The following DAB1 variants were observed in gnomAD, a reference collection of about 807,000 sequenced individuals.
DAB1 encodes the protein disabled homolog 1.
A neutral mutation model predicts 64.6 loss-of-function variants in DAB1; 15 were observed. The ratio of observed to expected loss-of-function variants is 0.23; its 90% CI spans 0.16 to 0.36. The LOEUF (loss-of-function observed/expected upper bound fraction) is 0.36, where lower values mean the gene tolerates loss of function less well. DAB1 is among the 10% of genes least tolerant of loss of function. The pLI, the probability that DAB1 is intolerant of heterozygous loss-of-function variation, is 1.00. For missense variants in DAB1, 596 were observed against 706.7 expected, an observed-to-expected ratio of 0.84 and a Z score of 1.78; for synonymous variants, 235 against 251.9, an observed-to-expected ratio of 0.93 and a Z score of 0.64.
At chr1:58,428,711 C>T (rs1029084656) in intron 3 of DAB1, among the ~76,000 whole-genome samples, 1 of 152,104 alleles carries the variant, frequency 6.6e-6, no homozygotes, top group African/African-American at 2.4e-5. Flanking sequence ...CTTCTAAATA[C>T]TCTATTGGAA....
intron 1 of DAB1, among the ~76,000 whole-genome samples, chr1:57,421,250 T>C (rs1013831782): frequency 6.6e-6 from 1 of 152,176 alleles, no homozygotes; most frequent in Admixed American, 6.5e-5. Flanking sequence ...CCTCACACAA[T>C]GGTGTGTCTT....
At chr1:58,147,964 A>C (rs1218955774) in intron 5 of DAB1, among the ~76,000 whole-genome samples, 1 of 148,380 alleles carries the variant, frequency 6.7e-6, no homozygotes, top group East Asian at 2.0e-4. Context: ...ATATTTTACC[A>C]AGACATACTA....
At chr1:58,086,304 A>G (rs1650310716) in intron 5 of DAB1, among the ~76,000 whole-genome samples, 1 of 152,146 alleles carries the variant, frequency 6.6e-6, no homozygotes, top group Non-Finnish European at 1.5e-5. Flanking sequence ...TCAAATTCCC[A>G]GCTCAACACC....
chr1:57,133,270 C>T (rs992839774), intron 4 of DAB1, among the ~76,000 whole-genome samples: 4 of 152,124 alleles, frequency 2.6e-5, no homozygotes, highest in Non-Finnish European at 5.9e-5. Flanking sequence ...CAGTATATAT[C>T]ATTTTTTATG....
intron 1 of DAB1, among the ~76,000 whole-genome samples, chr1:57,337,195 G>C (rs1285113810): frequency 6.6e-6 from 1 of 152,102 alleles, no homozygotes; most frequent in African/African-American, 2.4e-5. Flanking sequence ...ACAGCTTTCT[G>C]GCTGCAGTCT....
intron 5 of DAB1, among the ~76,000 whole-genome samples, chr1:58,029,470 G>A (rs1646941141): frequency 6.6e-6 from 1 of 152,202 alleles, no homozygotes; most frequent in Non-Finnish European, 1.5e-5. Flanking sequence ...CAGGGGTGTT[G>A]TCTCAAAAAC....
At chr1:57,748,955 T>G (rs953010114) in intron 6 of DAB1, among the ~76,000 whole-genome samples, 1 of 152,222 alleles carries the variant, frequency 6.6e-6, no homozygotes, top group African/African-American at 2.4e-5. Flanking sequence ...ATTGCCCACA[T>G]AAAATGCATT....
intron 2 of DAB1, among the ~76,000 whole-genome samples, chr1:57,168,079 T>C (rs998465462): frequency 6.0e-4 from 91 of 152,126 alleles, no homozygotes; most frequent in South Asian, 2.1e-4. Flanking sequence ...CACACTCATA[T>C]CTCCCCTAGA....
At chr1:57,816,941 C>T (rs1651883690) in intron 6 of DAB1, among the ~76,000 whole-genome samples, 2 of 152,230 alleles carry the variant, frequency 1.3e-5, no homozygotes, top group South Asian at 4.1e-4. Flanking sequence ...TGGCATGTCC[C>T]CTTCTCACCT....
rs144543518 is a variant in DAB1, at chr1:58,246,803, C to T, written n.310-96215G>A. On this transcript the variant is annotated intron_variant and non_coding_transcript_variant, in intron 4 of 20. Transcript: ENST00000485760. ...GTGTGTGAGTGGTGTGAATGTAATG[C>T]GTACGCATGTATGTCAGGGTGTGTG... is the stretch of plus-strand genomic sequence containing the variant. Among the ~76,000 whole-genome samples, 233 of 151,800 alleles carry T rather than the reference C, an allele frequency of 1.5e-3. 5 individuals are homozygous for T. The East Asian group carries it at 0.038, about 25-fold the overall frequency.
intron 7 of DAB1, among the ~76,000 whole-genome samples, chr1:57,600,574 G>C (rs1412127249): frequency 6.6e-6 from 1 of 152,144 alleles, no homozygotes; most frequent in African/African-American, 2.4e-5. Flanking sequence ...AGCCCTGGGG[G>C]GTCGGGATGG....
At chr1:57,294,788 G>T (rs1194720140) in intron 1 of DAB1, among the ~76,000 whole-genome samples, 1 of 152,140 alleles carries the variant, frequency 6.6e-6, no homozygotes, top group East Asian at 1.9e-4. Context: ...ACAGCACAAG[G>T]CAAGTTACAA....
chr1:58,442,862 G>A (rs192828380), intron 3 of DAB1, among the ~76,000 whole-genome samples: 4 of 152,232 alleles, frequency 2.6e-5, no homozygotes, highest in Admixed American at 2.6e-4. Flanking sequence ...TCCAGCCTGG[G>A]CAAGAGAGTG....
At chr1:58,210,983 A>T (rs1658525145) in intron 4 of DAB1, among the ~76,000 whole-genome samples, 1 of 152,160 alleles carries the variant, frequency 6.6e-6, no homozygotes, top group South Asian at 2.1e-4. Context: ...GGAAGAGAGC[A>T]TTCTAGGTAA....
intron 5 of DAB1, among the ~76,000 whole-genome samples, chr1:57,889,902 G>GA (rs1273912832): frequency 2.3e-5 from 3 of 128,248 alleles, no homozygotes; most frequent in Non-Finnish European, 4.8e-5. Flanking sequence ...ACTGGGGCGG[G>GA]GGGGGGGGAG....
chr1:58,220,165 G>T (rs1258820997), intron 4 of DAB1, among the ~76,000 whole-genome samples: 1 of 152,174 alleles, frequency 6.6e-6, no homozygotes, highest in Non-Finnish European at 1.5e-5. Context: ...GTCATTGGGG[G>T]CCTTCTAGCA....
intron 7 of DAB1, among the ~76,000 whole-genome samples, chr1:57,587,828 T>A (rs1386675762): frequency 1.3e-5 from 2 of 152,134 alleles, no homozygotes; most frequent in Non-Finnish European, 2.9e-5. Context: ...AAGACAGACA[T>A]CAGTCATACT....
At chr1:57,069,314 T>G (rs768334047) in intron 8 of DAB1, 46 bp downstream of exon 8, 1 of 1,431,610 alleles carries the variant, frequency 7.0e-7, no homozygotes, top group East Asian at 2.3e-5. Flanking sequence ...CATTTATGCA[T>G]GTACTAGTAG....
chr1:58,491,884 G>A (rs1645699357), intron 3 of DAB1, among the ~76,000 whole-genome samples: 1 of 152,122 alleles, frequency 6.6e-6, no homozygotes, highest in South Asian at 2.1e-4. Flanking sequence ...AGGATATCCA[G>A]GAATTGAACT....
Sources: gnomAD v4.1 joint callset for allele counts (sites outside exome capture counted in the v4.1 genomes callset) on GRCh38, gnomAD v4.1.1 for gene constraint, MANE v1.5 for transcripts, NCBI Gene and HGNC (gene_info 2026-07-23, HGNC 2026-07-21) for gene names.